Variants in MAOA observed in about 807,000 individuals in gnomAD.
The protein encoded by MAOA is monoamine oxidase A, also known as amine oxidase [flavin-containing] A.
A neutral mutation model predicts 42.0 loss-of-function variants in MAOA; 6 were observed. That is an observed-to-expected ratio of 0.14 (90% CI 0.08 to 0.28). The LOEUF (loss-of-function observed/expected upper bound fraction) is 0.28, where lower values mean the gene tolerates loss of function less well. MAOA is among the 10% of genes least tolerant of loss of function. MAOA has a pLI of 1.00. For synonymous variants in MAOA, 140 were observed against 154.0 expected, an observed-to-expected ratio of 0.91 and a Z score of 0.67; for missense variants, 262 against 422.3, an observed-to-expected ratio of 0.62 and a Z score of 3.33.
intron 8 of MAOA, among the ~76,000 whole-genome samples, chrX:43,732,230 G>A (rs2033887523): frequency 8.9e-6 from 1 of 111,863 alleles, no homozygotes; most frequent in Admixed American, 9.5e-5. Flanking sequence ...GCTGTAAAGT[G>A]GTGACAGTAA....
intron 1 of MAOA, among the ~76,000 whole-genome samples, chrX:43,662,771 T>C (rs2147069811): frequency 9.0e-6 from 1 of 111,216 alleles, no homozygotes; most frequent in Non-Finnish European, 1.9e-5. Flanking sequence ...TGTTAAGGAA[T>C]ATACTTGTAT....
At chrX:43,725,123 G>A (rs2033821356) in intron 5 of MAOA, among the ~76,000 whole-genome samples, 1 of 112,030 alleles carries the variant, frequency 8.9e-6, no homozygotes, top group African/African-American at 3.2e-5. Context: ...TAAGTGTGAT[G>A]TGGTACTGAG....
intron 1 of MAOA, among the ~76,000 whole-genome samples, chrX:43,664,523 A>G (rs1021080329): frequency 4.5e-5 from 5 of 111,417 alleles, no homozygotes; most frequent in Non-Finnish European, 9.4e-5. Flanking sequence ...AGTGACAAGG[A>G]AAGGATTTCA....
At chrX:43,690,454 G>A (rs1488257820) in intron 2 of MAOA, among the ~76,000 whole-genome samples, 7 of 110,649 alleles carry the variant, frequency 6.3e-5, no homozygotes, top group African/African-American at 2.3e-4. Context: ...AAAATATATT[G>A]CATAGTACTT....
chrX:43,702,301 T>G (rs992732651), intron 3 of MAOA, among the ~76,000 whole-genome samples: 1 of 111,794 alleles, frequency 8.9e-6, no homozygotes, highest in Non-Finnish European at 1.9e-5. Flanking sequence ...GCCACAGAGT[T>G]TTAGTAAGTG....
intron 10 of MAOA, among the ~76,000 whole-genome samples, chrX:43,739,413 C>T (rs2033944277): frequency 8.9e-6 from 1 of 111,769 alleles, no homozygotes; most frequent in Non-Finnish European, 1.9e-5. Flanking sequence ...TAATCTGCCT[C>T]CTCCTCCTGA....
At chrX:43,728,444 A>T (rs1043169059) in intron 6 of MAOA, 130 bp downstream of exon 6, 3 of 780,708 alleles carry the variant, frequency 3.8e-6, no homozygotes, top group Non-Finnish European at 5.7e-6. Context: ...AATGATCTCA[A>T]AAGATTTTCT....
At chrX:43,729,719 C>T (rs2033865350) in intron 6 of MAOA, among the ~76,000 whole-genome samples, 1 of 111,381 alleles carries the variant, frequency 9.0e-6, no homozygotes, top group Admixed American at 9.6e-5. Context: ...CTCAAGCAGT[C>T]CTTCCGCCTC....
At chrX:43,660,315 C>G (rs755949444) in intron 1 of MAOA, among the ~76,000 whole-genome samples, 2 of 111,134 alleles carry the variant, frequency 1.8e-5, no homozygotes, top group East Asian at 5.7e-4. Flanking sequence ...AATGGCTCTC[C>G]CTTTATGTCC....
intron 1 of MAOA, among the ~76,000 whole-genome samples, chrX:43,659,628 C>CAAGT (rs2033216680): frequency 9.0e-6 from 1 of 110,936 alleles, no homozygotes; most frequent in Non-Finnish European, 1.9e-5. Flanking sequence ...TGATTTGAAT[C>CAAGT]CTCTTCCTTC....
chrX:43,714,887 G>A (rs1190517891), intron 5 of MAOA, among the ~76,000 whole-genome samples: 1 of 109,318 alleles, frequency 9.1e-6, no homozygotes, highest in Non-Finnish European at 1.9e-5. Flanking sequence ...GGATGGAGAT[G>A]GTATCTTCTA....
chrX:43,725,507 T>C (rs764934337), intron 5 of MAOA, among the ~76,000 whole-genome samples: 3 of 111,358 alleles, frequency 2.7e-5, no homozygotes, highest in African/African-American at 6.5e-5. Context: ...TTTTTTTTTT[T>C]GCTTTCCATC....
intron 3 of MAOA, among the ~76,000 whole-genome samples, chrX:43,704,745 T>G (rs2033647470): frequency 9.0e-6 from 1 of 111,610 alleles, no homozygotes; most frequent in Non-Finnish European, 1.9e-5. Context: ...ATAGAACTGT[T>G]AAACAAGTTC....
chrX:43,693,782 C>G (rs2033555613), intron 3 of MAOA, among the ~76,000 whole-genome samples: 1 of 103,811 alleles, frequency 9.6e-6, no homozygotes, highest in South Asian at 4.3e-4. Context: ...CAGACATGTA[C>G]ACACACACAC....
chrX:43,684,353 A>G (rs993237108), intron 2 of MAOA, among the ~76,000 whole-genome samples: 6 of 110,965 alleles, frequency 5.4e-5, no homozygotes, highest in African/African-American at 2.0e-4. Flanking sequence ...GGAGATAATG[A>G]AGAGTGGGAA....
chrX:43,723,225 G>T (rs1162578707), intron 5 of MAOA, among the ~76,000 whole-genome samples: 1 of 111,603 alleles, frequency 9.0e-6, no homozygotes, highest in Admixed American at 9.5e-5. Flanking sequence ...ATTCTGTGAA[G>T]AAAGTCAGTG....
intron 1 of MAOA, among the ~76,000 whole-genome samples, chrX:43,670,694 G>A (rs1464177553): frequency 2.0e-5 from 2 of 101,462 alleles, no homozygotes; most frequent in Admixed American, 1.1e-4. Context: ...GAGAACATGC[G>A]GTGTTTGGTT....
At chrX:43,667,207 A>G (rs2033290071) in intron 1 of MAOA, among the ~76,000 whole-genome samples, 1 of 109,939 alleles carries the variant, frequency 9.1e-6, no homozygotes, top group Admixed American at 9.8e-5. Context: ...GTGTAAAAGC[A>G]CTCCCCACTT....
At chrX:43,676,187 T>A (rs938029598) in intron 1 of MAOA, among the ~76,000 whole-genome samples, 2 of 111,824 alleles carry the variant, frequency 1.8e-5, no homozygotes, top group Non-Finnish European at 3.8e-5. Flanking sequence ...ACCTTGCAGT[T>A]TGATCTCAGA....
Sources: allele counts gnomAD v4.1 joint callset (sites outside exome capture counted in the v4.1 genomes callset), GRCh38; gene constraint gnomAD v4.1.1; transcripts MANE v1.5; gene names NCBI Gene and HGNC (gene_info 2026-07-23, HGNC 2026-07-21).